SUB1: variants seen among roughly 807,000 people sequenced by gnomAD.
SUB1 encodes SUB1 regulator of transcription, also known as activated RNA polymerase II transcriptional coactivator p15.
In SUB1, 1 loss-of-function variant was observed where a neutral mutation model predicts 16.9. The observed-to-expected ratio is 0.06, with a 90% CI of 0.02 to 0.28. SUB1 has a LOEUF of 0.28. SUB1 is among the 10% of genes least tolerant of loss of function. The pLI, the probability that SUB1 is intolerant of heterozygous loss-of-function variation, is 1.00. For synonymous variants in SUB1, 51 were observed against 46.9 expected (o/e 1.09, Z -0.36); for missense variants, 84 against 145.2 (o/e 0.58, Z 2.16).
intron 3 of SUB1, among the ~76,000 whole-genome samples, chr5:32,593,658 T>C (rs1385346209): frequency 6.6e-6 from 1 of 152,172 alleles, no homozygotes; most frequent in East Asian, 1.9e-4. Flanking sequence ...ATTGCACCTT[T>C]TGAAAGCCTG....
chr5:32,600,637 T>C (rs922939499), intron 4 of SUB1, among the ~76,000 whole-genome samples: 5 of 151,842 alleles, frequency 3.3e-5, no homozygotes, highest in African/African-American at 1.2e-4. Flanking sequence ...GGAGTCTTGC[T>C]CTCTTGCCCA....
At chr5:32,587,477 A>G (rs1445343645) in intron 1 of SUB1, among the ~76,000 whole-genome samples, 1 of 152,204 alleles carries the variant, frequency 6.6e-6, no homozygotes, top group Non-Finnish European at 1.5e-5. Context: ...CCAGCATGGT[A>G]GGAATTTGCG....
At chr5:32,589,847 C>G (rs899815360) in intron 2 of SUB1, among the ~76,000 whole-genome samples, 1 of 149,352 alleles carries the variant, frequency 6.7e-6, no homozygotes, top group Non-Finnish European at 1.5e-5. Flanking sequence ...GAAGCAGGCT[C>G]CCTATCTTTT....
intron 2 of SUB1, among the ~76,000 whole-genome samples, chr5:32,589,765 A>G (rs1319656868): frequency 1.3e-5 from 2 of 152,180 alleles, no homozygotes; most frequent in African/African-American, 2.4e-5. Flanking sequence ...CCTAATTAGT[A>G]TATATCCTTT....
intron 1 of SUB1, chr5:32,586,609 T>G (rs898890452): frequency 2.6e-5 from 4 of 152,236 alleles, no homozygotes; most frequent in African/African-American, 9.6e-5. Context: ...TGAAAAATTC[T>G]TAGGCCCCCA....
chr5:32,586,891 A>G (rs903878650), intron 1 of SUB1, among the ~76,000 whole-genome samples: 2 of 152,218 alleles, frequency 1.3e-5, no homozygotes, highest in African/African-American at 2.4e-5. Flanking sequence ...TTTAATGGCT[A>G]GGATTGGGGT....
At chr5:32,593,983 C>T (rs998525997) in intron 3 of SUB1, among the ~76,000 whole-genome samples, 4 of 152,114 alleles carry the variant, frequency 2.6e-5, no homozygotes, top group East Asian at 1.9e-4. Flanking sequence ...TGAGCCACGG[C>T]GCCCAGCCTA....
At chr5:32,600,057 C>T (rs1739078130) in intron 4 of SUB1, among the ~76,000 whole-genome samples, 1 of 152,178 alleles carries the variant, frequency 6.6e-6, no homozygotes, top group Non-Finnish European at 1.5e-5. Flanking sequence ...ATTCATGTTA[C>T]TTAATCATTT....
chr5:32,588,516 C>T lies in SUB1; in HGVS notation c.4C>T (p.Pro2Ser). ...TGTAATGTATTTTTCTTTCAGGATG[C>T]CTAAATCAAAGGAACTTGTTTCTTC... Reference protein sequence around the residue: MPKSKELVSSSS... With the variant: MSKSKELVSSSS... Residue 2 changes from proline (P) to serine (S), a missense_variant, in exon 2 of 5, where the codon CCT (proline) becomes TCT (serine). Pro to Ser is a moderately conservative substitution (Grantham distance 74). Coordinates refer to ENST00000265073, the MANE Select transcript of SUB1 (RefSeq NM_006713.4). The T allele has an allele frequency of 2.5e-6, 4 of 1,611,340 alleles. No individual in the cohort carries two copies. Among genetic ancestry groups the T allele is most frequent in the Non-Finnish European group, 3.4e-6 (4 of 1,178,766 alleles).
intron 2 of SUB1, among the ~76,000 whole-genome samples, chr5:32,589,533 A>C (rs543200464): frequency 2.0e-5 from 3 of 152,202 alleles, no homozygotes; most frequent in Non-Finnish European, 4.4e-5. Flanking sequence ...CACGCAGTAA[A>C]GCTAACTTGA....
At chr5:32,586,425 A>G (rs1375884627) in intron 1 of SUB1, 1 of 152,324 alleles carries the variant, frequency 6.6e-6, no homozygotes, top group Non-Finnish European at 1.5e-5. Context: ...AAATTCTACA[A>G]TAGTGGTTTC....
intron 3 of SUB1, chr5:32,595,996 T>C (rs963546383): frequency 6.6e-6 from 1 of 152,200 alleles, no homozygotes; most frequent in African/African-American, 2.4e-5. Flanking sequence ...GCCAGGTCAT[T>C]TGAGTTGTAA....
At chr5:32,597,722 A>G (rs1455202524) in intron 3 of SUB1, 2 of 152,224 alleles carry the variant, frequency 1.3e-5, no homozygotes, top group East Asian at 1.9e-4. Flanking sequence ...AAATCTGGTT[A>G]TAACTTTTGA....
chr5:32,592,090 G>A (rs890859642), intron 3 of SUB1, among the ~76,000 whole-genome samples: 1 of 152,208 alleles, frequency 6.6e-6, no homozygotes, highest in Non-Finnish European at 1.5e-5. Flanking sequence ...TGCCTAATAT[G>A]TATGTTACAA....
intron 1 of SUB1, among the ~76,000 whole-genome samples, chr5:32,587,996 A>G (rs1445298993): frequency 1.3e-5 from 2 of 152,220 alleles, no homozygotes; most frequent in African/African-American, 4.8e-5. Context: ...TGAATAAAAT[A>G]TTATGTAAAA....
chr5:32,595,200 A>G (rs929606604), intron 3 of SUB1: 12 of 151,964 alleles, frequency 7.9e-5, no homozygotes, highest in African/African-American at 2.9e-4. Context: ...TTTTAAAAAA[A>G]AAAATGTTTT....
intron 1 of SUB1, 46 bp from the exon 2 acceptor site, chr5:32,588,466 A>G (rs768689055): frequency 1.3e-6 from 2 of 1,534,186 alleles, no homozygotes; most frequent in South Asian, 2.3e-5. Flanking sequence ...AGTTGAAAGT[A>G]GTAGAGTACC....
intron 1 of SUB1, among the ~76,000 whole-genome samples, chr5:32,587,857 CT>C (rs953257458): frequency 2.0e-4 from 31 of 152,192 alleles, no homozygotes; most frequent in African/African-American, 7.2e-4. Context: ...GATCCGCCTG[CT>C]TTGGCCTCCT....
intron 4 of SUB1, 130 bp from the exon 5 acceptor site, chr5:32,600,875 G>A (rs1359452662): frequency 6.9e-6 from 5 of 726,810 alleles, no homozygotes; most frequent in Non-Finnish European, 1.2e-5. Context: ...AAAGTGCTGG[G>A]ATTACAGGTG....
Sources: allele counts gnomAD v4.1 joint callset (sites outside exome capture counted in the v4.1 genomes callset), GRCh38; gene constraint gnomAD v4.1.1; transcripts MANE v1.5; gene names NCBI Gene and HGNC (gene_info 2026-07-23, HGNC 2026-07-21).